The following GDA variants were observed in gnomAD, a reference collection of about 807,000 sequenced individuals.
GDA encodes the protein guanine deaminase, also known as cytoplasmic PSD-95 interactor.
A neutral mutation model predicts 59.6 loss-of-function variants in GDA; 18 were observed. The ratio of observed to expected loss-of-function variants is 0.30; its 90% CI spans 0.21 to 0.45. GDA has a LOEUF of 0.45. Ranked by LOEUF, GDA falls within the 20% of genes least tolerant of loss-of-function variation. The pLI is 1.00. For missense variants in GDA, 427 were observed against 552.3 expected (o/e 0.77, Z 2.27); for synonymous variants, 201 against 201.1 (o/e 1.00, Z 0.00).
chr9:72,143,966 A>G (rs560811304), intron 1 of GDA, among the ~76,000 whole-genome samples: 1 of 152,336 alleles, frequency 6.6e-6, no homozygotes, highest in East Asian at 1.9e-4. Flanking sequence ...TCATGTCTGT[A>G]ATCCCAGCAC....
At chr9:72,120,984 T>C (rs867924582) in intron 1 of GDA, among the ~76,000 whole-genome samples, 15 of 152,304 alleles carry the variant, frequency 9.8e-5, no homozygotes, top group Middle Eastern at 6.8e-3. Context: ...TTGGGGACTT[T>C]ACTCCATTAA....
chr9:72,193,437 C>T (rs925610296), intron 1 of GDA, among the ~76,000 whole-genome samples: 5 of 152,220 alleles, frequency 3.3e-5, no homozygotes, highest in African/African-American at 1.2e-4. Context: ...GTTTACCAGG[C>T]AAAAAGACTC....
At chr9:72,137,500 C>A (rs1826281811) in intron 1 of GDA, among the ~76,000 whole-genome samples, 1 of 152,112 alleles carries the variant, frequency 6.6e-6, no homozygotes, top group South Asian at 2.1e-4. Context: ...CCCGCCTCAG[C>A]CTTCCAAAGT....
At chr9:72,155,916 C>T (rs752733556) in intron 1 of GDA, among the ~76,000 whole-genome samples, 4 of 152,146 alleles carry the variant, frequency 2.6e-5, no homozygotes, top group African/African-American at 9.7e-5. Context: ...TTACTATGGT[C>T]TACCTAATAG....
At chr9:72,135,169 T>C (rs149864951) in intron 1 of GDA, among the ~76,000 whole-genome samples, 1 of 152,146 alleles carries the variant, frequency 6.6e-6, no homozygotes, top group Non-Finnish European at 1.5e-5. Flanking sequence ...AGTACTTTTT[T>C]TTTTAACCAA....
chr9:72,117,705 T>A (rs555083680), intron 1 of GDA, among the ~76,000 whole-genome samples: 1 of 152,196 alleles, frequency 6.6e-6, no homozygotes, highest in Non-Finnish European at 1.5e-5. Flanking sequence ...TGTCACATGT[T>A]GAGAACCAGC....
chr9:72,216,684 T>C (rs1387489003), intron 5 of GDA, among the ~76,000 whole-genome samples: 1 of 152,110 alleles, frequency 6.6e-6, no homozygotes, highest in Non-Finnish European at 1.5e-5. Flanking sequence ...AAACTATTTT[T>C]TTTTTTTTTG....
chr9:72,132,156 C>A (rs956292326), intron 1 of GDA, among the ~76,000 whole-genome samples: 16 of 152,138 alleles, frequency 1.1e-4, no homozygotes, highest in Non-Finnish European at 2.2e-4. Flanking sequence ...AGTTACAATT[C>A]AAAATGAGAT....
intron 1 of GDA, among the ~76,000 whole-genome samples, chr9:72,139,792 G>C (rs931349995): frequency 6.6e-6 from 1 of 152,036 alleles, no homozygotes; most frequent in Non-Finnish European, 1.5e-5. Context: ...CACAAAATAA[G>C]GTTTTGTTTT....
At chr9:72,195,383 C>A in intron 1 of GDA, 117 bp from the exon 2 acceptor site, 28 of 174,540 alleles carry the variant, frequency 1.6e-4, no homozygotes, top group East Asian at 8.5e-4. Flanking sequence ...CATTTGGTAT[C>A]AAATACCTTT....
At chr9:72,170,788 T>C (rs1829869903) in intron 1 of GDA, among the ~76,000 whole-genome samples, 1 of 150,818 alleles carries the variant, frequency 6.6e-6, no homozygotes. Flanking sequence ...TCTCTACCCA[T>C]GAGATCCAGT....
At chr9:72,217,974 C>T (rs1293449687) in intron 5 of GDA, among the ~76,000 whole-genome samples, 1 of 151,706 alleles carries the variant, frequency 6.6e-6, no homozygotes, top group Non-Finnish European at 1.5e-5. Flanking sequence ...AGTGCAGTGG[C>T]ACGGTCTCAG....
chr9:72,175,880 C>T (rs1197637893), intron 1 of GDA, among the ~76,000 whole-genome samples: 1 of 152,172 alleles, frequency 6.6e-6, no homozygotes, highest in Non-Finnish European at 1.5e-5. Flanking sequence ...AACCAAAAAG[C>T]TGTGTGAGAA....
chr9:72,134,426 A>G (rs367922379), intron 1 of GDA, among the ~76,000 whole-genome samples: 5 of 150,236 alleles, frequency 3.3e-5, no homozygotes, highest in African/African-American at 1.2e-4. Context: ...TCTTAGACAG[A>G]GTTTTGCACT....
In GDA at chr9:72,232,749, C is replaced by A. The variant is rs538178309; in HGVS notation, c.988+1568C>A. Among the ~76,000 whole-genome samples, 4 of 152,334 alleles carry A rather than the reference C, an allele frequency of 2.6e-5. No individual in the cohort carries two copies. The South Asian group carries it at 8.3e-4, about 32-fold the overall frequency. ...CTATAAAGTTCAAGTTGAGTTCTAG[C>A]TGTCACTTATTATCTGTAAGACCTT... On this transcript the variant is annotated intron_variant, in intron 10 of 13. Coordinates refer to ENST00000358399, the MANE Select transcript of GDA (RefSeq NM_004293.5).
intron 1 of GDA, among the ~76,000 whole-genome samples, chr9:72,193,094 A>G (rs7867133): frequency 0.35 from 52,583 of 151,944 alleles, 9,839 homozygotes; most frequent in East Asian, 0.56. Flanking sequence ...TTTCTGAAAG[A>G]TTACATATCT....
intron 5 of GDA, chr9:72,214,711 A>G (rs369173866): frequency 5.9e-6 from 2 of 339,852 alleles, no homozygotes; most frequent in Admixed American, 4.2e-5. Context: ...ATGACTCTAA[A>G]TTCAAAGTTC....
chr9:72,204,375 T>C (rs1442759937), intron 3 of GDA, among the ~76,000 whole-genome samples: 1 of 151,110 alleles, frequency 6.6e-6, no homozygotes, highest in Non-Finnish European at 1.5e-5. Flanking sequence ...CAAAAGAAAA[T>C]GAGTCATGAT....
chr9:72,222,999 C>T, intron 6 of GDA, 121 bp from the exon 7 acceptor site: 1 of 582,966 alleles, frequency 1.7e-6, no homozygotes, highest in Middle Eastern at 3.1e-4. Flanking sequence ...TGAGCCACCA[C>T]ACCTGGCCCT....
Sources: allele counts gnomAD v4.1 joint callset (sites outside exome capture counted in the v4.1 genomes callset), GRCh38; gene constraint gnomAD v4.1.1; transcripts MANE v1.5; gene names NCBI Gene and HGNC (gene_info 2026-07-23, HGNC 2026-07-21).